BAIAP2L1: variants seen among roughly 807,000 people sequenced by gnomAD.
BAIAP2L1 encodes the protein BAR/IMD domain containing adaptor protein 2 like 1, also known as BAR/IMD domain-containing adapter protein 2-like 1.
In BAIAP2L1, 35 loss-of-function variants were observed where a neutral mutation model predicts 66.3. The ratio of observed to expected loss-of-function variants is 0.53; its 90% CI spans 0.40 to 0.70. The LOEUF (loss-of-function observed/expected upper bound fraction) is 0.70, where lower values mean the gene tolerates loss of function less well. Ranked by LOEUF, BAIAP2L1 falls within the 30% of genes least tolerant of loss-of-function variation. The pLI is 0.00. For missense variants in BAIAP2L1, 622 were observed against 656.9 expected (o/e 0.95, Z 0.58); for synonymous variants, 269 against 248.7 (o/e 1.08, Z -0.77).
At chr7:98,300,866 G>A (rs1258056099) in intron 12 of BAIAP2L1, among the ~76,000 whole-genome samples, 1 of 151,924 alleles carries the variant, frequency 6.6e-6, no homozygotes, top group Non-Finnish European at 1.5e-5. Context: ...GCAACGCCCA[G>A]GCCTTGTGTT....
chr7:98,299,775 T>G (rs1461248785), intron 12 of BAIAP2L1, among the ~76,000 whole-genome samples: 1 of 152,212 alleles, frequency 6.6e-6, no homozygotes, highest in African/African-American at 2.4e-5. Flanking sequence ...GCGCAGTGAC[T>G]CACGCCTATA....
intron 3 of BAIAP2L1, among the ~76,000 whole-genome samples, chr7:98,345,813 G>T (rs961924860): frequency 2.0e-5 from 3 of 152,060 alleles, no homozygotes; most frequent in Non-Finnish European, 4.4e-5. Context: ...AACATGAAAA[G>T]ATGCTCAATG....
intron 1 of BAIAP2L1, among the ~76,000 whole-genome samples, chr7:98,396,878 G>A (rs1183642289): frequency 6.6e-6 from 1 of 152,228 alleles, no homozygotes; most frequent in Non-Finnish European, 1.5e-5. Context: ...TCTATGAAAA[G>A]TATCATCGGA....
chr7:98,379,334 A>G (rs2115795877), intron 1 of BAIAP2L1, among the ~76,000 whole-genome samples: 1 of 152,302 alleles, frequency 6.6e-6, no homozygotes, highest in South Asian at 2.1e-4. Flanking sequence ...AACCAGCTGC[A>G]GGCTGTACCC....
chr7:98,319,737 G>C (rs1584452541), intron 5 of BAIAP2L1, among the ~76,000 whole-genome samples: 1 of 152,060 alleles, frequency 6.6e-6, no homozygotes, highest in African/African-American at 2.4e-5. Flanking sequence ...TTTGAGTAGA[G>C]ATGGGGTTTC....
At chr7:98,378,938 T>C (rs1303195748) in intron 1 of BAIAP2L1, among the ~76,000 whole-genome samples, 1 of 152,206 alleles carries the variant, frequency 6.6e-6, no homozygotes, top group African/African-American at 2.4e-5. Flanking sequence ...CAAGCAATTC[T>C]GCTGCCTCAG....
chr7:98,340,959 G>GT (rs72057720), intron 3 of BAIAP2L1, among the ~76,000 whole-genome samples: 40,191 of 129,268 alleles, frequency 0.31, 6,883 homozygotes, highest in South Asian at 0.52. Flanking sequence ...CAGCTAATTG[G>GT]TTTTTTTTTT....
chr7:98,307,548 C>A, intron 10 of BAIAP2L1, 141 bp downstream of exon 10: 1 of 1,464,626 alleles, frequency 6.8e-7, no homozygotes, highest in Non-Finnish European at 9.0e-7. Flanking sequence ...CGAATAACTT[C>A]AGTTAACTAA....
Position 98,293,398 on chromosome 7 carries a change from G to A in BAIAP2L1, c.*123C>T. On this transcript the variant is annotated 3_prime_UTR_variant, in exon 14 of 14. Transcript: ENST00000005260. ...CAGAGAAGCATGATTTGCTTAAGCA[G>A]GCGACATTAGAGTTAGGCCTCTCCA... The A allele has an allele frequency of 1.1e-6, 1 of 870,412 alleles. No individual in the cohort carries two copies. Among genetic ancestry groups the A allele is most frequent in the South Asian group, 1.6e-5 (1 of 63,004 alleles). 53.9% of individuals were successfully genotyped at this position (870,412 alleles called of 1,614,324 possible).
At chr7:98,343,126 A>C (rs908137160) in intron 3 of BAIAP2L1, among the ~76,000 whole-genome samples, 15 of 151,998 alleles carry the variant, frequency 9.9e-5, no homozygotes, top group Admixed American at 7.2e-4. Flanking sequence ...GGCCAGGCGC[A>C]GTAGCTCACG....
intron 3 of BAIAP2L1, among the ~76,000 whole-genome samples, chr7:98,322,631 T>C (rs1400418705): frequency 6.6e-6 from 1 of 152,134 alleles, no homozygotes; most frequent in Admixed American, 6.5e-5. Flanking sequence ...AGGTGATCTG[T>C]TCCACCAGAG....
chr7:98,320,160 G>C (rs931459631), intron 4 of BAIAP2L1, 31 bp from the exon 5 acceptor site: 34 of 1,597,080 alleles, frequency 2.1e-5, no homozygotes, highest in Non-Finnish European at 2.9e-5. Context: ...ATTCATACCA[G>C]GTTTGAGATT....
At chr7:98,359,404 G>A (rs1304074427) in intron 2 of BAIAP2L1, among the ~76,000 whole-genome samples, 3 of 151,480 alleles carry the variant, frequency 2.0e-5, no homozygotes, top group African/African-American at 4.8e-5. Flanking sequence ...TCCTGAGTAG[G>A]TGGGATTACA....
chr7:98,397,052 G>T (rs1273322893), intron 1 of BAIAP2L1, among the ~76,000 whole-genome samples: 1 of 152,142 alleles, frequency 6.6e-6, no homozygotes, highest in African/African-American at 2.4e-5. Context: ...TCACATTCTA[G>T]TTGGGGTGGG....
chr7:98,311,674 G>A (rs1372389871), intron 8 of BAIAP2L1, among the ~76,000 whole-genome samples: 6 of 151,940 alleles, frequency 3.9e-5, no homozygotes, highest in East Asian at 3.9e-4. Context: ...TTGGGAGGCC[G>A]AGGCAGACAG....
At chr7:98,296,069 A>G (rs1345268273) in intron 12 of BAIAP2L1, among the ~76,000 whole-genome samples, 2 of 152,060 alleles carry the variant, frequency 1.3e-5, no homozygotes, top group Admixed American at 1.3e-4. Flanking sequence ...ACGCCCGTCA[A>G]TGGGAGAGTC....
At chr7:98,317,145 A>T in intron 6 of BAIAP2L1, 74 bp downstream of exon 6, 1 of 1,593,678 alleles carries the variant, frequency 6.3e-7, no homozygotes, top group South Asian at 1.1e-5. Flanking sequence ...GAGCCACCGC[A>T]CCCGGCTAAC....
intron 12 of BAIAP2L1, 55 bp downstream of exon 12, chr7:98,304,141 C>T (rs1034652735): frequency 2.7e-6 from 4 of 1,485,542 alleles, no homozygotes; most frequent in Admixed American, 2.5e-5. Context: ...CCTGCGCCTC[C>T]CAGTCGGGGA....
chr7:98,337,793 C>T (rs886637397), intron 3 of BAIAP2L1, among the ~76,000 whole-genome samples: 10 of 152,100 alleles, frequency 6.6e-5, no homozygotes, highest in African/African-American at 2.2e-4. Flanking sequence ...TGACGTGCAC[C>T]TGTAATCCCA....
Sources: allele counts gnomAD v4.1 joint callset (sites outside exome capture counted in the v4.1 genomes callset), GRCh38; gene constraint gnomAD v4.1.1; transcripts MANE v1.5; gene names NCBI Gene and HGNC (gene_info 2026-07-23, HGNC 2026-07-21).